WWOX: variants seen among roughly 807,000 people sequenced by gnomAD.
The protein encoded by WWOX is WW domain containing oxidoreductase, also known as WW domain-containing oxidoreductase.
WWOX carries 69 observed loss-of-function variants against 46.2 expected under a neutral mutation model. That is an observed-to-expected ratio of 1.49 (90% CI 1.23 to 1.82). The LOEUF is 1.82. Among genes scored for constraint, WWOX ranks in the 40% most tolerant of loss-of-function variants. The pLI, the probability that WWOX is intolerant of heterozygous loss-of-function variation, is 0.00. For synonymous variants in WWOX, 359 were observed against 202.6 expected (o/e 1.77, Z -6.56); for missense variants, 919 against 542.6 (o/e 1.69, Z -6.89).
At chr16:78,262,079 G>T (rs1284323436) in intron 5 of WWOX, among the ~76,000 whole-genome samples, 262 of 77,226 alleles carry the variant, frequency 3.4e-3, no homozygotes, top group Middle Eastern at 0.015. Context: ...TGGGCAAAAA[G>T]AGTGAATGAA....
chr16:79,111,005 G>C (rs566232109), intron 8 of WWOX: 2 of 152,336 alleles, frequency 1.3e-5, no homozygotes, highest in African/African-American at 4.8e-5. Flanking sequence ...CTTGCACATA[G>C]TAGGTTCTCA....
At chr16:79,207,530 A>C (rs984349670) in intron 8 of WWOX, among the ~76,000 whole-genome samples, 4 of 152,232 alleles carry the variant, frequency 2.6e-5, no homozygotes, top group African/African-American at 7.2e-5. Flanking sequence ...TTTGCTGTGC[A>C]ATGTCCCTGT....
At chr16:78,402,121 T>C (rs1387094037) in intron 6 of WWOX, among the ~76,000 whole-genome samples, 1 of 152,218 alleles carries the variant, frequency 6.6e-6, no homozygotes, top group Non-Finnish European at 1.5e-5. Flanking sequence ...CTCATAACAA[T>C]TAGCAGTTAT....
intron 8 of WWOX, among the ~76,000 whole-genome samples, chr16:79,051,280 A>G (rs1277033700): frequency 6.6e-6 from 1 of 152,202 alleles, no homozygotes; most frequent in Non-Finnish European, 1.5e-5. Context: ...TTTTTGCATC[A>G]TGCGCAGGAG....
chr16:78,756,710 A>G (rs1370396305), intron 8 of WWOX, among the ~76,000 whole-genome samples: 2 of 152,156 alleles, frequency 1.3e-5, no homozygotes, highest in Admixed American at 6.5e-5. Context: ...AGCAACTACC[A>G]TATCTAATTT....
intron 8 of WWOX, among the ~76,000 whole-genome samples, chr16:78,538,088 T>C (rs1409067097): frequency 6.6e-6 from 1 of 151,526 alleles, no homozygotes; most frequent in Non-Finnish European, 1.5e-5. Flanking sequence ...CAGAAGGGGG[T>C]AATTATTTTA....
intron 8 of WWOX, among the ~76,000 whole-genome samples, chr16:78,661,986 A>C (rs958702947): frequency 6.6e-6 from 1 of 152,182 alleles, no homozygotes; most frequent in African/African-American, 2.4e-5. Context: ...GGAGGTTGCA[A>C]TGAACCGAGA....
intron 8 of WWOX, among the ~76,000 whole-genome samples, chr16:78,482,349 G>C (rs559264699): frequency 1.1e-4 from 17 of 152,190 alleles, no homozygotes; most frequent in African/African-American, 3.9e-4. Context: ...GGCCTCCGTA[G>C]TAGTCAGGAC....
chr16:78,449,690 T>G (rs1460405751), intron 8 of WWOX, among the ~76,000 whole-genome samples: 1 of 152,192 alleles, frequency 6.6e-6, no homozygotes, highest in Admixed American at 6.5e-5. Context: ...TGCTTTCTGA[T>G]GGGAGGTAAG....
chr16:78,492,736 T>A (rs563780101), intron 8 of WWOX, among the ~76,000 whole-genome samples: 1 of 152,314 alleles, frequency 6.6e-6, no homozygotes, highest in African/African-American at 2.4e-5. Flanking sequence ...ATTCAGGGAG[T>A]AATTGGTTCT....
At chr16:78,714,740 G>A (rs865860047) in intron 8 of WWOX, among the ~76,000 whole-genome samples, 28 of 152,256 alleles carry the variant, frequency 1.8e-4, no homozygotes, top group Middle Eastern at 6.8e-3. Context: ...TAAATGAAGG[G>A]AAGATTCAAG....
At chr16:78,398,734 T>A (rs1418495766) in intron 6 of WWOX, among the ~76,000 whole-genome samples, 2 of 152,230 alleles carry the variant, frequency 1.3e-5, no homozygotes, top group East Asian at 3.9e-4. Flanking sequence ...GCAAATTCCT[T>A]AATCTTTCTA....
intron 8 of WWOX, among the ~76,000 whole-genome samples, chr16:78,660,418 G>A (rs547816419): frequency 2.6e-5 from 4 of 152,110 alleles, no homozygotes; most frequent in African/African-American, 4.8e-5. Context: ...GGTGGAAGGG[G>A]CCACTTAACA....
chr16:78,537,027 A>C (rs1008769685), intron 8 of WWOX, among the ~76,000 whole-genome samples: 1 of 151,338 alleles, frequency 6.6e-6, no homozygotes, highest in Non-Finnish European at 1.5e-5. Flanking sequence ...AGCAATTATC[A>C]GGCCTCAACG....
intron 7 of WWOX, among the ~76,000 whole-genome samples, chr16:78,432,206 C>T: frequency 6.6e-6 from 1 of 151,910 alleles, no homozygotes; most frequent in East Asian, 1.9e-4. Context: ...CAACCTCTGC[C>T]TCCCATGTTT....
At chr16:78,506,151 T>C (rs916008984) in intron 8 of WWOX, among the ~76,000 whole-genome samples, 6 of 152,196 alleles carry the variant, frequency 3.9e-5, no homozygotes, top group African/African-American at 1.4e-4. Flanking sequence ...TAGTGACTTC[T>C]GTGGACGTGA....
chr16:78,508,133 C>T (rs903199636), intron 8 of WWOX, among the ~76,000 whole-genome samples: 1 of 151,788 alleles, frequency 6.6e-6, no homozygotes. Context: ...CTCAATCTCC[C>T]TAGTAGTTGA....
intron 5 of WWOX, chr16:78,278,506 A>C (rs990088626): frequency 8.0e-7 from 1 of 1,248,614 alleles, no homozygotes; most frequent in African/African-American, 1.5e-5. Context: ...TTGTTAATTA[A>C]TTAGCAAAAA....
chr16:78,697,198 T>C (rs1407143322), intron 8 of WWOX, among the ~76,000 whole-genome samples: 1 of 152,214 alleles, frequency 6.6e-6, no homozygotes, highest in African/African-American at 2.4e-5. Context: ...GATTGCTGGA[T>C]CAAATGGTAG....
Sources: gnomAD v4.1 joint callset for allele counts (sites outside exome capture counted in the v4.1 genomes callset) on GRCh38, gnomAD v4.1.1 for gene constraint, MANE v1.5 for transcripts, NCBI Gene and HGNC (gene_info 2026-07-23, HGNC 2026-07-21) for gene names.